The following NUDT5 variants were observed in gnomAD, a reference collection of about 807,000 sequenced individuals.
NUDT5 encodes the protein ADP-sugar pyrophosphatase.
Under a neutral mutation model 34.1 loss-of-function variants are expected in NUDT5, and 21 were observed. The ratio of observed to expected loss-of-function variants is 0.62; its 90% CI spans 0.44 to 0.89. The LOEUF (loss-of-function observed/expected upper bound fraction) is 0.89. NUDT5 is among the 40% of genes least tolerant of loss of function. The probability of loss-of-function intolerance (pLI) is 0.00; values close to 1 mark genes in which losing one functional copy is unlikely to be tolerated. For synonymous variants in NUDT5, 85 were observed against 97.6 expected (o/e 0.87, Z 0.76); for missense variants, 249 against 274.8 (o/e 0.91, Z 0.66).
At chr10:12,179,398 G>A (rs1835010017) in intron 3 of NUDT5, among the ~76,000 whole-genome samples, 1 of 152,198 alleles carries the variant, frequency 6.6e-6, no homozygotes, top group African/African-American at 2.4e-5. Flanking sequence ...AAGCATGTGA[G>A]CTGCCGCTTT....
intron 5 of NUDT5, among the ~76,000 whole-genome samples, chr10:12,177,502 G>C (rs1834972700): frequency 6.6e-6 from 1 of 152,220 alleles, no homozygotes; most frequent in Admixed American, 6.5e-5. Context: ...CTGGGTGATA[G>C]AGCGAGACTC....
rs781475726 is a variant in NUDT5 at position 12,177,784 on chromosome 10, G to A, written c.289+9C>T. On this transcript the variant is annotated intron_variant, in intron 5 of 9. Coordinates refer to ENST00000491614, the MANE Select transcript of NUDT5 (RefSeq NM_014142.4). ...TCCCTAAGAAGCAATTCGATGTTGAGTGACTCACCTGCAGGGAACTCTATG... is the reference window on the plus strand; with the variant it reads ...TCCCTAAGAAGCAATTCGATGTTGAATGACTCACCTGCAGGGAACTCTATG... The A allele has an allele frequency of 6.2e-7, 1 of 1,600,176 alleles. No individual in the cohort carries two copies. Among genetic ancestry groups the A allele is most frequent in the Non-Finnish European group, 8.6e-7 (1 of 1,167,196 alleles).
At position 12,169,387 on chromosome 10, in the gene NUDT5, C is replaced by A; in HGVS notation, c.550+1330G>T. 1 of 1,156,412 alleles carries A rather than the reference C, an allele frequency of 8.6e-7. No homozygotes were observed. Among genetic ancestry groups the A allele is most frequent in the Non-Finnish European group, 1.2e-6 (1 of 805,280 alleles). 71.6% of individuals were successfully genotyped at this position (1,156,412 alleles called of 1,614,324 possible). A position where few individuals can be genotyped will look rare whatever the true frequency, so the allele number is the denominator to read the frequency against. On this transcript the variant is annotated intron_variant, in intron 9 of 9. Transcript: ENST00000491614. This position sits in a 1 kb window ranked among gnomAD's most constrained non-coding sequence, Gnocchi z 4.8. ...CGTCACCCTGCTTTCCACGCACCTC[C>A]TCAGAGGGAGGGGCTGTTATTGTTC... is the stretch of plus-strand genomic sequence containing the variant.
In NUDT5 at chr10:12,166,570, C is replaced by T. The variant is rs1201544031; in HGVS notation, c.*1132G>A. On this transcript the variant is annotated 3_prime_UTR_variant, in exon 10 of 10. Coordinates refer to ENST00000491614, the MANE Select transcript of NUDT5 (RefSeq NM_014142.4). ...GACAAACGGAGGCTACTGCAGCATT[C>T]TGGCATTAGCACTCTGATTTTATCT... The T allele has an allele frequency of 3.0e-6, 1 of 334,214 alleles. No individual in the cohort carries two copies. The highest frequency in any genetic ancestry group is 4.1e-5 in the Admixed American group (1 of 24,488). The allele number at this position is 334,214 out of a possible 1,614,324, so 20.7% of individuals were successfully genotyped here. A position where few individuals can be genotyped will look rare whatever the true frequency, so the allele number is the denominator to read the frequency against.
rs986629724 is a variant in NUDT5 at position 12,175,995 on chromosome 10, C to T, written c.289+1798G>A. Among the ~76,000 whole-genome samples the T allele has an allele frequency of 1.1e-4, 16 of 151,932 alleles. No individual in the cohort carries two copies. The highest frequency in any genetic ancestry group is 3.4e-4 in the African/African-American group (14 of 41,338). On this transcript the variant is annotated intron_variant, in intron 5 of 9. Transcript: ENST00000491614. The surrounding 1 kb of genome is among the most constrained non-coding windows in gnomAD (Gnocchi z 4.8). ...CTGTAATCCCAGCACTTTGGGAGGC[C>T]GAGACCAGCCTGACCAACATGGAGA... is the stretch of plus-strand genomic sequence containing the variant.
rs572190701 is a variant in NUDT5, at chr10:12,168,878, C to T, written c.551-1067G>A. 1.6e-3 allele frequency among the ~76,000 whole-genome samples: 244 copies of T among 152,046 alleles called. 1 individual carries two copies. Among genetic ancestry groups the T allele is most frequent in the African/African-American group, 5.5e-3 (230 of 41,464 alleles). ...CCCGGGTTCAAGCGATTCTCCTGCC[C>T]CAGCCTCCTGAGTAGCTGGGACTAC... On this transcript the variant is annotated intron_variant, in intron 9 of 9. Coordinates refer to ENST00000491614, the MANE Select transcript of NUDT5 (RefSeq NM_014142.4). The surrounding 1 kb of genome is among the most constrained non-coding windows in gnomAD (Gnocchi z 4.8).
At chr10:12,178,923 T>A (rs1000577314) in intron 4 of NUDT5, 160 bp downstream of exon 4, 1 of 643,954 alleles carries the variant, frequency 1.6e-6, no homozygotes, top group East Asian at 2.8e-5. Context: ...AAGTTACTTA[T>A]AAAGAAAGCT....
In NUDT5 at chr10:12,169,363, G is replaced by C; in HGVS notation, c.550+1354C>G. ...CGCACGGCATTTCACACTTGCCTAC[G>C]TCACCCTGCTTTCCACGCACCTCCT... On this transcript the variant is annotated intron_variant, in intron 9 of 9. Coordinates refer to ENST00000491614, the MANE Select transcript of NUDT5 (RefSeq NM_014142.4). This position sits in a 1 kb window ranked among gnomAD's most constrained non-coding sequence, Gnocchi z 4.8. The C allele has an allele frequency of 1.3e-5, 19 of 1,417,080 alleles. No homozygotes were observed. Among genetic ancestry groups the C allele is most frequent in the Non-Finnish European group, 1.7e-5 (18 of 1,033,600 alleles). The allele number at this position is 1,417,080 out of a possible 1,614,324, so 87.8% of individuals were successfully genotyped here. A position where few individuals can be genotyped will look rare whatever the true frequency, so the allele number is the denominator to read the frequency against.
At chr10:12,172,506 G>A (rs1834874675) in intron 7 of NUDT5, 1 of 519,880 alleles carries the variant, frequency 1.9e-6, no homozygotes, top group Admixed American at 3.3e-5. Flanking sequence ...TTACTAAGTG[G>A]GAATACACTT....
rs1834813862 is a variant in NUDT5, at chr10:12,169,864, T to C, written c.550+853A>G. On this transcript the variant is annotated intron_variant, in intron 9 of 9. Coordinates refer to ENST00000491614, the MANE Select transcript of NUDT5 (RefSeq NM_014142.4). The surrounding 1 kb of genome is among the most constrained non-coding windows in gnomAD (Gnocchi z 4.8). ...TTAAAGCTTCAGGCCAAACAATGCT[T>C]CAAATCACATTTGAAGTAATCACTT... 1 of 384,670 alleles carries C rather than the reference T, an allele frequency of 2.6e-6. No homozygotes were observed. The allele number at this position is 384,670 out of a possible 1,614,324, so 23.8% of individuals were successfully genotyped here.
rs146666475 is a variant in NUDT5 at position 12,193,142 on chromosome 10, C to T, written c.-42+2628G>A. Among the ~76,000 whole-genome samples the T allele has an allele frequency of 9.6e-3, 1,457 of 152,202 alleles. 24 individuals are homozygous for T. Among genetic ancestry groups the T allele is most frequent in the African/African-American group, 0.033 (1,357 of 41,508 alleles). ...TGAATTGGTTACAGACGTATAGTAACGACACTGTAAAGATAGTCCAGGCAG... is the reference window on the plus strand; with the variant it reads ...TGAATTGGTTACAGACGTATAGTAATGACACTGTAAAGATAGTCCAGGCAG... On this transcript the variant is annotated intron_variant, in intron 1 of 9. Transcript: ENST00000491614.
rs1461423041 is a variant in NUDT5 at position 12,165,623 on chromosome 10, A to C, written c.*2079T>G. On this transcript the variant is annotated 3_prime_UTR_variant, in exon 10 of 10. Transcript: ENST00000491614. ...TCAAAACAACAATATCCCAGTCTCC[A>C]TTTGAAAGAGCATAGATCTTGGTAA... 2 of 152,454 alleles carry C rather than the reference A, an allele frequency of 1.3e-5. No individual in the cohort carries two copies. The highest frequency in any genetic ancestry group is 4.8e-5 in the African/African-American group (2 of 41,472). 9.4% of individuals were successfully genotyped at this position (152,454 alleles called of 1,614,324 possible).
At position 12,170,646 on chromosome 10, in the gene NUDT5, T is replaced by C. The variant is rs1834835089; in HGVS notation, c.550+71A>G. The C allele has an allele frequency of 7.4e-7, 1 of 1,346,788 alleles. No individual in the cohort carries two copies. 83.4% of individuals were successfully genotyped at this position (1,346,788 alleles called of 1,614,324 possible). On this transcript the variant is annotated intron_variant, in intron 9 of 9. Coordinates refer to ENST00000491614, the MANE Select transcript of NUDT5 (RefSeq NM_014142.4). The surrounding 1 kb of genome is among the most constrained non-coding windows in gnomAD (Gnocchi z 4.9). The stretch of plus-strand genomic sequence containing the variant: ...AAAGATAAAGAAATGGAGTTATATT[T>C]AGTACCCAGTTTGCTGGGATGGGGA...
rs895583415 is a variant in NUDT5 at position 12,168,227 on chromosome 10, T to C, written c.551-416A>G. On this transcript the variant is annotated intron_variant, in intron 9 of 9. Transcript: ENST00000491614. This position sits in a 1 kb window ranked among gnomAD's most constrained non-coding sequence, Gnocchi z 4.8. Reference sequence around the variant, plus strand: ...TTTAGTAGAGACGGGGTTTTTGCCATGTTGGCCAGGATGGTTTCGATCTCC... The same window carrying C: ...TTTAGTAGAGACGGGGTTTTTGCCACGTTGGCCAGGATGGTTTCGATCTCC... Among the ~76,000 whole-genome samples, 7 of 152,134 alleles carry C rather than the reference T, an allele frequency of 4.6e-5. No individual in the cohort carries two copies. Among genetic ancestry groups the C allele is most frequent in the Non-Finnish European group, 8.8e-5 (6 of 68,016 alleles).
intron 3 of NUDT5, chr10:12,184,577 T>G (rs1277509854): frequency 1.7e-5 from 25 of 1,471,784 alleles, no homozygotes; most frequent in Non-Finnish European, 2.2e-5. Context: ...GGAAGCAACA[T>G]GTACTGTTAA....
At position 12,187,802 on chromosome 10, in the gene NUDT5, T is replaced by C. The variant is rs543313628; in HGVS notation, c.-41-1470A>G. On this transcript the variant is annotated intron_variant, in intron 1 of 9. Coordinates refer to ENST00000491614, the MANE Select transcript of NUDT5 (RefSeq NM_014142.4). This position sits in a 1 kb window ranked among gnomAD's most constrained non-coding sequence, Gnocchi z 5.4. Reference sequence around the variant, plus strand: ...ACTATGCTTCTTTACAGGGAATTTTTTTCTTGAACGACTTCACTGATGATT... The same window carrying C: ...ACTATGCTTCTTTACAGGGAATTTTCTTCTTGAACGACTTCACTGATGATT... Among the ~76,000 whole-genome samples the C allele has an allele frequency of 6.6e-6, 1 of 152,290 alleles. No homozygotes were observed. Among genetic ancestry groups the C allele is most frequent in the South Asian group, 2.1e-4 (1 of 4,826 alleles).
chr10:12,191,595 T>A (rs1341710264), intron 1 of NUDT5, among the ~76,000 whole-genome samples: 1 of 152,078 alleles, frequency 6.6e-6, no homozygotes, highest in African/African-American at 2.4e-5. Context: ...ATGAGGTAGT[T>A]TTGGGGGCCA....
chr10:12,180,609 G>C (rs913394514), intron 3 of NUDT5: 1 of 152,206 alleles, frequency 6.6e-6, no homozygotes, highest in Non-Finnish European at 1.5e-5. Flanking sequence ...AGAAATCTCG[G>C]AATAAGATTG....
At position 12,170,178 on chromosome 10, in the gene NUDT5, A is replaced by C. The variant is rs372552066; in HGVS notation, c.550+539T>G. On this transcript the variant is annotated intron_variant, in intron 9 of 9. Coordinates refer to ENST00000491614, the MANE Select transcript of NUDT5 (RefSeq NM_014142.4). This position sits in a 1 kb window ranked among gnomAD's most constrained non-coding sequence, Gnocchi z 4.9. ...GTCTCTAAAAGATGGGTGGCCAAGAATTATACAATGCATCTACATGACCAG... is the reference window on the plus strand; with the variant it reads ...GTCTCTAAAAGATGGGTGGCCAAGACTTATACAATGCATCTACATGACCAG... The C allele has an allele frequency of 1.5e-4, 239 of 1,612,660 alleles. No individual in the cohort carries two copies. In the African/African-American group the frequency reaches 2.7e-3, roughly 18 times the overall value.
Sources: gnomAD v4.1 joint callset for allele counts (sites outside exome capture counted in the v4.1 genomes callset) on GRCh38, gnomAD v4.1.1 for gene constraint, Gnocchi (gnomAD v3.1) non-coding constraint, MANE v1.5 for transcripts, NCBI Gene and HGNC (gene_info 2026-07-23, HGNC 2026-07-21) for gene names.